The following GLIS3 variants were observed in gnomAD, a reference collection of about 807,000 sequenced individuals.
The protein encoded by GLIS3 is zinc finger protein GLIS3.
In GLIS3, 53 loss-of-function variants were observed where a neutral mutation model predicts 78.6. That is an observed-to-expected ratio of 0.67 (90% CI 0.54 to 0.85). GLIS3 has a LOEUF of 0.85. GLIS3 is among the 40% of genes least tolerant of loss of function. GLIS3 has a pLI of 0.00. For missense variants in GLIS3, 1,703 were observed against 1,231.1 expected, an observed-to-expected ratio of 1.38 and a Z score of -5.74; for synonymous variants, 684 against 509.9, an observed-to-expected ratio of 1.34 and a Z score of -4.60.
chr9:4,477,886 TAATA>T, the GLIS3 span, among the ~76,000 whole-genome samples: 4 of 152,156 alleles, frequency 2.6e-5, no homozygotes, highest in African/African-American at 9.7e-5. Flanking sequence ...TATTATACCA[TAATA>T]AAAAATGAAA....
intron 4 of GLIS3, among the ~76,000 whole-genome samples, chr9:4,017,934 G>C (rs1334284379): frequency 6.6e-6 from 1 of 152,116 alleles, no homozygotes. Flanking sequence ...TGAAACTAAT[G>C]TCTTTTTAAT....
chr9:4,282,119 G>A (rs768542537), intron 2 of GLIS3, among the ~76,000 whole-genome samples: 2 of 152,066 alleles, frequency 1.3e-5, no homozygotes, highest in South Asian at 4.2e-4. Flanking sequence ...CAATTCTTAG[G>A]CAACTTAACC....
intron 2 of GLIS3, among the ~76,000 whole-genome samples, chr9:4,342,195 G>A (rs571585450): frequency 6.6e-6 from 1 of 152,122 alleles, no homozygotes; most frequent in Non-Finnish European, 1.5e-5. Flanking sequence ...CATTTCCTAG[G>A]TTATCTTTCA....
intron 2 of GLIS3, among the ~76,000 whole-genome samples, chr9:4,206,407 G>C (rs928353902): frequency 1.3e-5 from 2 of 152,202 alleles, no homozygotes; most frequent in Non-Finnish European, 2.9e-5. Flanking sequence ...CCTTGAAAGA[G>C]GCTTATTTTC....
At chr9:4,084,369 A>C (rs1344142651) in intron 4 of GLIS3, among the ~76,000 whole-genome samples, 5 of 152,024 alleles carry the variant, frequency 3.3e-5, no homozygotes, top group African/African-American at 1.2e-4. Context: ...ACATTTGAAG[A>C]ACCTTTGGTA....
At chr9:4,327,690 C>A (rs567209401) in intron 2 of GLIS3, among the ~76,000 whole-genome samples, 1 of 152,190 alleles carries the variant, frequency 6.6e-6, no homozygotes, top group Admixed American at 6.5e-5. Context: ...CTCCAGGGGG[C>A]GCCATCCACT....
At position 4,331,968 on chromosome 9, in the gene GLIS3, A is replaced by C. The variant is rs1035487947; in HGVS notation, n.264+15113T>G. Among the ~76,000 whole-genome samples the C allele has an allele frequency of 2.0e-5, 3 of 152,240 alleles. No homozygotes were observed. The South Asian group carries it at 6.2e-4, about 31-fold the overall frequency. On this transcript the variant is annotated intron_variant and non_coding_transcript_variant, in intron 2 of 4. Transcript: ENST00000471664. ...AAGATACCAGGGAGACTAAAGCATG[A>C]GCCCTTCCTAGCTCTTCTTCAACTT... is the stretch of plus-strand genomic sequence containing the variant.
upstream of GLIS3, among the ~76,000 whole-genome samples, chr9:4,301,774 G>C (rs561421041): frequency 5.4e-4 from 82 of 152,166 alleles, no homozygotes; most frequent in African/African-American, 1.9e-3. Context: ...AGCTGGAAGA[G>C]AAAAAAATAT....
chr9:4,092,186 C>A (rs971193634), intron 4 of GLIS3, among the ~76,000 whole-genome samples: 1 of 142,726 alleles, frequency 7.0e-6, no homozygotes, highest in Non-Finnish European at 1.5e-5. Context: ...GAGTCTCGCT[C>A]TGTTGCTCAG....
In GLIS3 at chr9:4,085,482, G is replaced by C. The variant is rs117194124; in HGVS notation, c.1710+32286C>G. On this transcript the variant is annotated intron_variant, in intron 4 of 10. Transcript: ENST00000381971. ...CACCCTCTCATTTTATCCTGTCCAC[G>C]TGATAGCCAGAATTAAAATCCCCAC... Among the ~76,000 whole-genome samples, 110 of 151,934 alleles carry C rather than the reference G, an allele frequency of 7.2e-4. 2 individuals carry two copies. The highest frequency in any genetic ancestry group is 1.4e-3 in the Non-Finnish European group (92 of 67,962).
At chr9:4,402,210 A>G in the GLIS3 span, among the ~76,000 whole-genome samples, 1 of 152,214 alleles carries the variant, frequency 6.6e-6, no homozygotes, top group African/African-American at 2.4e-5. Flanking sequence ...AGAGTAAGGG[A>G]AAAGAACAAG....
intron 2 of GLIS3, among the ~76,000 whole-genome samples, chr9:4,333,743 C>G (rs374386811): frequency 3.1e-5 from 4 of 127,890 alleles, no homozygotes; most frequent in African/African-American, 1.2e-4. Flanking sequence ...ATGCCCCCCC[C>G]CACCCCCCGC....
chr9:3,839,094 A>G (rs1003550257), intron 9 of GLIS3, among the ~76,000 whole-genome samples: 3 of 152,216 alleles, frequency 2.0e-5, no homozygotes, highest in Non-Finnish European at 4.4e-5. Flanking sequence ...TTTCTTCTTA[A>G]GTAGCCTTCT....
At chr9:4,221,388 T>C (rs916369527) in intron 2 of GLIS3, among the ~76,000 whole-genome samples, 1 of 152,210 alleles carries the variant, frequency 6.6e-6, no homozygotes, top group African/African-American at 2.4e-5. Flanking sequence ...GAAAAAGAAA[T>C]AAATTATTTT....
chr9:3,873,851 A>G (rs757836909), intron 8 of GLIS3, among the ~76,000 whole-genome samples: 12 of 152,024 alleles, frequency 7.9e-5, no homozygotes, highest in Non-Finnish European at 1.3e-4. Flanking sequence ...AAAAACTGGC[A>G]TTCCTTATTT....
intron 4 of GLIS3, among the ~76,000 whole-genome samples, chr9:3,982,852 T>A (rs1389664077): frequency 6.6e-6 from 1 of 152,200 alleles, no homozygotes; most frequent in Non-Finnish European, 1.5e-5. Context: ...GAAGGTAGGA[T>A]AATTGAGGCC....
intron 2 of GLIS3, among the ~76,000 whole-genome samples, chr9:4,243,806 A>G (rs1336305577): frequency 6.6e-6 from 1 of 152,190 alleles, no homozygotes; most frequent in Non-Finnish European, 1.5e-5. Context: ...CGAGTTTGTA[A>G]CTACCACAAT....
chr9:4,406,314 ATTG>A, the GLIS3 span, among the ~76,000 whole-genome samples: 1 of 152,182 alleles, frequency 6.6e-6, no homozygotes, highest in Non-Finnish European at 1.5e-5. Context: ...CAGATGATAC[ATTG>A]TTCTTTTTTT....
At chr9:4,399,968 G>GGTGGGA in the GLIS3 span, among the ~76,000 whole-genome samples, 3 of 152,188 alleles carry the variant, frequency 2.0e-5, no homozygotes, top group Non-Finnish European at 2.9e-5. Flanking sequence ...AGAAATAGGA[G>GGTGGGA]GTGGGAGTGG....
Sources: gnomAD v4.1 joint callset for allele counts (sites outside exome capture counted in the v4.1 genomes callset) on GRCh38, gnomAD v4.1.1 for gene constraint, MANE v1.5 for transcripts, NCBI Gene and HGNC (gene_info 2026-07-23, HGNC 2026-07-21) for gene names.